PAK1: variants seen among roughly 807,000 people sequenced by gnomAD.
PAK1 encodes the protein p21 (RAC1) activated kinase 1.
In PAK1, 29 loss-of-function variants were observed where a neutral mutation model predicts 67.4. That is an observed-to-expected ratio of 0.43 (90% CI 0.32 to 0.59). The LOEUF (loss-of-function observed/expected upper bound fraction) is 0.59. PAK1 is among the 20% of genes least tolerant of loss of function. The probability of loss-of-function intolerance (pLI) is 0.07; values close to 1 mark genes in which losing one functional copy is unlikely to be tolerated. For missense variants in PAK1, 337 were observed against 670.7 expected, an observed-to-expected ratio of 0.50 and a Z score of 5.50; for synonymous variants, 223 against 237.4, an observed-to-expected ratio of 0.94 and a Z score of 0.56.
intron 5 of PAK1, among the ~76,000 whole-genome samples, chr11:77,370,153 G>A (rs1565627033): frequency 6.6e-6 from 1 of 152,162 alleles, no homozygotes; most frequent in African/African-American, 2.4e-5. Context: ...AGGGTATGTA[G>A]GCATGGAAAA....
rs1949597133 is a variant in PAK1 at position 77,379,884 on chromosome 11, C to T, written c.291+10G>A. 1.4e-5 allele frequency: 22 copies of T among 1,594,136 alleles called. No individual in the cohort carries two copies. Among genetic ancestry groups the T allele is most frequent in the Non-Finnish European group, 1.9e-5 (22 of 1,162,260 alleles). On this transcript the variant is annotated intron_variant, in intron 3 of 14. Transcript: ENST00000356341. ...AAAGACTAAAGACCTTTCTGTGACC[C>T]AGGACTTACCGTAAACTCCCCTGTG...
intron 1 of PAK1, among the ~76,000 whole-genome samples, chr11:77,393,695 G>A (rs909826211): frequency 6.6e-6 from 1 of 152,166 alleles, no homozygotes; most frequent in South Asian, 2.1e-4. Flanking sequence ...AGAAACAGTA[G>A]AATAAAATCT....
At chr11:77,337,876 A>T (rs182149902) in intron 11 of PAK1, among the ~76,000 whole-genome samples, 9 of 152,304 alleles carry the variant, frequency 5.9e-5, no homozygotes, top group Middle Eastern at 3.4e-3. Flanking sequence ...TGGTGAGGAG[A>T]TATTTTGTAC....
At chr11:77,433,043 G>A (rs1479313571) in intron 1 of PAK1, among the ~76,000 whole-genome samples, 1 of 152,190 alleles carries the variant, frequency 6.6e-6, no homozygotes, top group Non-Finnish European at 1.5e-5. Context: ...TAATGCTTAT[G>A]TTTGTGGTCA....
At chr11:77,388,982 A>G (rs1214346145) in intron 2 of PAK1, among the ~76,000 whole-genome samples, 1 of 152,224 alleles carries the variant, frequency 6.6e-6, no homozygotes, top group Non-Finnish European at 1.5e-5. Context: ...ATGGCTTTTA[A>G]TATATTCAGA....
the PAK1 span, among the ~76,000 whole-genome samples, chr11:77,483,957 T>C: frequency 1.3e-5 from 2 of 152,206 alleles, no homozygotes; most frequent in Admixed American, 1.3e-4. Flanking sequence ...TCTGGCTGAA[T>C]GGACCAGGGA....
At position 77,400,566 on chromosome 11, in the gene PAK1, C is replaced by T. The variant is rs1313973965; in HGVS notation, c.-21-8025G>A. ...GGGATTAAGCATCACAGAAGATAAACGAATTCTGGTGCTTAGTCCAAGTCA... is the reference window on the plus strand; with the variant it reads ...GGGATTAAGCATCACAGAAGATAAATGAATTCTGGTGCTTAGTCCAAGTCA... On this transcript the variant is annotated intron_variant, in intron 1 of 14. Transcript: ENST00000356341. Among the ~76,000 whole-genome samples, 22 of 152,144 alleles carry T rather than the reference C, an allele frequency of 1.4e-4. 1 individual carries two copies. Among genetic ancestry groups the T allele is most frequent in the Admixed American group, 1.4e-3 (21 of 15,274 alleles).
At chr11:77,481,441 C>A in the PAK1 span, among the ~76,000 whole-genome samples, 1 of 151,996 alleles carries the variant, frequency 6.6e-6, no homozygotes, top group East Asian at 1.9e-4. Flanking sequence ...CTTTGGGAGG[C>A]CGAGGCGGGC....
At chr11:77,529,998 T>C in the PAK1 span, 1 of 152,224 alleles carries the variant, frequency 6.6e-6, no homozygotes, top group Non-Finnish European at 1.5e-5. Context: ...CCCAGTACAT[T>C]TTTTTCCTCC....
chr11:77,451,448 A>G (rs1956847688), intron 1 of PAK1, among the ~76,000 whole-genome samples: 1 of 152,184 alleles, frequency 6.6e-6, no homozygotes, highest in African/African-American at 2.4e-5. Context: ...ATATTTCTCC[A>G]AGACTACCCA....
At chr11:77,446,001 T>A (rs113170991) in intron 1 of PAK1, among the ~76,000 whole-genome samples, 4,887 of 152,312 alleles carry the variant, frequency 0.032, 131 homozygotes, top group African/African-American at 0.074. Context: ...TCATAGTACA[T>A]GCTCAATCAA....
rs1482673833 is a variant in PAK1, at chr11:77,355,667, C to A, written c.772+1G>T. The A allele has an allele frequency of 1.2e-6, 2 of 1,608,886 alleles. No individual in the cohort carries two copies. The highest frequency in any genetic ancestry group is 1.7e-6 in the Non-Finnish European group (2 of 1,175,596). On this transcript the variant is annotated splice_donor_variant, in intron 7 of 14. Transcript: ENST00000356341. LOFTEE classifies it high-confidence loss of function. The stretch of plus-strand genomic sequence containing the variant: ...GGTTCAGAAAGCTACAAATTCCTTA[C>A]GTAATTTCTCCAAGATCTCCTCATC...
At position 77,429,093 on chromosome 11, in the gene PAK1, A is replaced by AACAC. The variant is rs1491243884; in HGVS notation, c.-21-36556_-21-36553dup. Reference sequence around the variant, plus strand: ...AAAAAAAAAAAAAAAAAAAAAAAAAAACACACACACACACATCAGGATTCC... The same window carrying AACAC: ...AAAAAAAAAAAAAAAAAAAAAAAAAAACACACACACACACACACATCAGGATTCC... On this transcript the variant is annotated intron_variant, in intron 1 of 14. Transcript: ENST00000356341. 3.5e-4 allele frequency among the ~76,000 whole-genome samples: 37 copies of AACAC among 106,390 alleles called. 1 individual carries two copies. Among genetic ancestry groups the AACAC allele is most frequent in the African/African-American group, 1.2e-3 (23 of 18,698 alleles). 69.8% of individuals were successfully genotyped at this position (106,390 alleles called of 152,430 possible).
chr11:77,460,291 G>C (rs1269354151), intron 1 of PAK1, among the ~76,000 whole-genome samples: 2 of 151,214 alleles, frequency 1.3e-5, no homozygotes, highest in Admixed American at 6.6e-5. Context: ...AGGATTATTG[G>C]GTACATCTGT....
At chr11:77,363,954 G>A (rs1042168123) in intron 5 of PAK1, among the ~76,000 whole-genome samples, 1 of 152,250 alleles carries the variant, frequency 6.6e-6, no homozygotes, top group East Asian at 1.9e-4. Context: ...GGGCAGACCA[G>A]GGTATAACTG....
At chr11:77,459,324 T>C (rs1464940277) in intron 1 of PAK1, among the ~76,000 whole-genome samples, 1 of 152,058 alleles carries the variant, frequency 6.6e-6, no homozygotes, top group East Asian at 1.9e-4. Flanking sequence ...ACGACACTAG[T>C]TAATAGGTTA....
chr11:77,490,420 C>T, the PAK1 span, among the ~76,000 whole-genome samples: 1 of 147,190 alleles, frequency 6.8e-6, no homozygotes. Context: ...GTGAGGAGCC[C>T]CTCTGCCCGG....
chr11:77,490,681 T>C, the PAK1 span, among the ~76,000 whole-genome samples: 1 of 152,272 alleles, frequency 6.6e-6, no homozygotes, highest in South Asian at 2.1e-4. Context: ...TTTTGTGGAA[T>C]AGAAAGTGGG....
chr11:77,382,415 G>A (rs1241533798), intron 2 of PAK1, among the ~76,000 whole-genome samples: 1 of 152,050 alleles, frequency 6.6e-6, no homozygotes, highest in African/African-American at 2.4e-5. Flanking sequence ...TGTTTGGAAT[G>A]CTCTCTTCTC....
Sources: gnomAD v4.1 joint callset for allele counts (sites outside exome capture counted in the v4.1 genomes callset) on GRCh38, gnomAD v4.1.1 for gene constraint, MANE v1.5 for transcripts, NCBI Gene and HGNC (gene_info 2026-07-23, HGNC 2026-07-21) for gene names.